Variants in MGST1 observed in about 807,000 individuals in gnomAD.
MGST1 encodes the protein glutathione S-transferase 12.
MGST1 carries 5 observed loss-of-function variants against 8.9 expected under a neutral mutation model. That is an observed-to-expected ratio of 0.56 (90% confidence interval 0.29 to 1.19). The LOEUF (loss-of-function observed/expected upper bound fraction) is 1.19, where lower values mean the gene tolerates loss of function less well. Ranked by LOEUF, MGST1 falls within the 50% of genes most tolerant of loss-of-function variation. The probability of loss-of-function intolerance (pLI) is 0.08; values close to 1 mark genes in which losing one functional copy is unlikely to be tolerated. For missense variants in MGST1, 182 were observed against 187.4 expected, an observed-to-expected ratio of 0.97 and a Z score of 0.17; for synonymous variants, 54 against 67.8, an observed-to-expected ratio of 0.80 and a Z score of 1.00.
chr12:16,437,173 A>C (rs1429065622), intron 1 of MGST1, among the ~76,000 whole-genome samples: 1 of 151,840 alleles, frequency 6.6e-6, no homozygotes, highest in Non-Finnish European at 1.5e-5. Flanking sequence ...GTTAAAAAGG[A>C]AGCATATCCC....
intron 4 of MGST1, chr12:16,551,023 TTAA>T: frequency 2.0e-6 from 1 of 490,356 alleles, no homozygotes; most frequent in Non-Finnish European, 3.7e-6. Flanking sequence ...ACTTTTTTCT[TTAA>T]TAATAAACAT....
chr12:16,375,412 C>A (rs1401597856), intron 3 of MGST1, among the ~76,000 whole-genome samples: 1 of 152,008 alleles, frequency 6.6e-6, no homozygotes, highest in Admixed American at 6.6e-5. Context: ...AACAAAGAAA[C>A]CTCAATGCGT....
At chr12:16,455,873 T>G (rs1941167850) in intron 4 of MGST1, among the ~76,000 whole-genome samples, 1 of 151,894 alleles carries the variant, frequency 6.6e-6, no homozygotes, top group Non-Finnish European at 1.5e-5. Context: ...CATAAAATTT[T>G]CAATAGTAAG....
chr12:16,357,760 T>A (rs1021625966), intron 3 of MGST1, 61 bp downstream of exon 3: 70 of 1,379,782 alleles, frequency 5.1e-5, no homozygotes, highest in Non-Finnish European at 6.7e-5. Context: ...AGGAGTTCAG[T>A]GAAGATGTCT....
chr12:16,491,322 G>A (rs2137156493), intron 4 of MGST1, among the ~76,000 whole-genome samples: 2 of 152,266 alleles, frequency 1.3e-5, no homozygotes, highest in South Asian at 4.1e-4. Context: ...GATCTCTGCA[G>A]GAATTATATA....
Position 16,458,055 on chromosome 12 carries a change from G to A in MGST1, n.482+74451G>A, listed in dbSNP as rs1422393214. On this transcript the variant is annotated intron_variant and non_coding_transcript_variant, in intron 4 of 4. Coordinates refer to the MGST1 transcript ENST00000538857. This position sits in a 1 kb window ranked among gnomAD's most constrained non-coding sequence, Gnocchi z 4.0. ...TTATAACTGCTAATTCAATTACACTGAAATTGTTTAATAGAAAATATAATT... is the reference window on the plus strand; with the variant it reads ...TTATAACTGCTAATTCAATTACACTAAAATTGTTTAATAGAAAATATAATT... 6.6e-6 allele frequency among the ~76,000 whole-genome samples: 1 copy of A among 151,970 alleles called. No individual in the cohort carries two copies. Among genetic ancestry groups the A allele is most frequent in the African/African-American group, 2.4e-5 (1 of 41,394 alleles).
Position 16,544,265 on chromosome 12 carries a change from A to ACAC in MGST1, n.483-45263_483-45262insCAC, listed in dbSNP as rs1565472388. ...ACACACACACACACACACACACACAAAACATAACCTACTAGTCAATCTGCC... is the reference window on the plus strand; with the variant it reads ...ACACACACACACACACACACACACAACACAACATAACCTACTAGTCAATCTGCC... On this transcript the variant is annotated intron_variant and non_coding_transcript_variant, in intron 4 of 4. Transcript: ENST00000538857. The surrounding 1 kb of genome is among the most constrained non-coding windows in gnomAD (Gnocchi z 4.8). Among the ~76,000 whole-genome samples, 4 of 107,538 alleles carry ACAC rather than the reference A, an allele frequency of 3.7e-5. No homozygotes were observed. The highest frequency in any genetic ancestry group is 1.3e-4 in the African/African-American group (3 of 23,236). 70.5% of individuals were successfully genotyped at this position (107,538 alleles called of 152,430 possible). A position where few individuals can be genotyped will look rare whatever the true frequency, so the allele number is the denominator to read the frequency against.
chr12:16,357,857 A>AATAT (rs373714603), intron 3 of MGST1, among the ~76,000 whole-genome samples, 158 bp downstream of exon 3: 11,752 of 152,272 alleles, frequency 0.077, 570 homozygotes, highest in East Asian at 0.23. Flanking sequence ...TGAAATTGAC[A>AATAT]CACTGCACTT....
chr12:16,397,151 A>C (rs936631824), intron 1 of MGST1, among the ~76,000 whole-genome samples: 9 of 152,156 alleles, frequency 5.9e-5, no homozygotes, highest in African/African-American at 9.7e-5. Context: ...GCTCTTTGAC[A>C]AAAGAAACAA....
At chr12:16,486,364 T>C (rs1941399232) in intron 4 of MGST1, among the ~76,000 whole-genome samples, 1 of 152,192 alleles carries the variant, frequency 6.6e-6, no homozygotes, top group Admixed American at 6.5e-5. Context: ...ATTTGTTAGA[T>C]AACTAACATT....
At chr12:16,550,556 T>G (rs901376222) in intron 4 of MGST1, 1 of 152,410 alleles carries the variant, frequency 6.6e-6, no homozygotes, top group South Asian at 2.1e-4. Context: ...AATTTTTATG[T>G]ATTTTTTTAA....
At chr12:16,512,195 A>C (rs1405995995) in intron 4 of MGST1, among the ~76,000 whole-genome samples, 11 of 152,128 alleles carry the variant, frequency 7.2e-5, no homozygotes, top group African/African-American at 2.4e-4. Context: ...ATGCACGGAC[A>C]TATACACTGA....
chr12:16,589,871 T>C (rs565883590), downstream of MGST1, among the ~76,000 whole-genome samples: 11 of 152,170 alleles, frequency 7.2e-5, no homozygotes, highest in African/African-American at 2.6e-4. This position sits in a 1 kb window ranked among gnomAD's most constrained non-coding sequence, Gnocchi z 4.2. Context: ...CAGACCACAG[T>C]AGGAATTAAG....
intron 4 of MGST1, among the ~76,000 whole-genome samples, chr12:16,556,064 C>T (rs994642033): frequency 1.3e-5 from 2 of 152,240 alleles, no homozygotes; most frequent in Admixed American, 1.3e-4. Flanking sequence ...AGATTTTATC[C>T]ACCTCAGCTT....
In MGST1 at chr12:16,551,622, GA is replaced by G. The variant is rs1052626588; in HGVS notation, n.483-37898del. On this transcript the variant is annotated intron_variant and non_coding_transcript_variant, in intron 4 of 4. Coordinates refer to the MGST1 transcript ENST00000538857. Reference sequence around the variant, plus strand: ...TTTTTTTTTTAAACCACACTGGAAAGAAAAAAAATAAAAAGAACTGATCTGT... The same window carrying G: ...TTTTTTTTTTAAACCACACTGGAAAGAAAAAAATAAAAAGAACTGATCTGT... 6.0e-3 allele frequency among the ~76,000 whole-genome samples: 858 copies of G among 143,052 alleles called. 9 individuals are homozygous for G. Among genetic ancestry groups the G allele is most frequent in the African/African-American group, 0.021 (830 of 38,648 alleles). 93.8% of individuals were successfully genotyped at this position (143,052 alleles called of 152,430 possible).
intron 1 of MGST1, among the ~76,000 whole-genome samples, chr12:16,407,986 C>A (rs1450510727): frequency 7.5e-6 from 1 of 132,652 alleles, no homozygotes; most frequent in African/African-American, 2.8e-5. Flanking sequence ...GAGTCGAGAT[C>A]ACGCCACTGC....
Position 16,580,871 on chromosome 12 carries a change from T to C in MGST1, n.483-8657T>C, listed in dbSNP as rs555895405. Among the ~76,000 whole-genome samples, 7 of 152,308 alleles carry C rather than the reference T, an allele frequency of 4.6e-5. No homozygotes were observed. The South Asian group carries it at 8.3e-4, about 18-fold the overall frequency. Reference sequence around the variant, plus strand: ...TTATTAATTATACAAAGAAACAGAATTGACCACTGTTAACACCTTATTTGT... The same window carrying C: ...TTATTAATTATACAAAGAAACAGAACTGACCACTGTTAACACCTTATTTGT... On this transcript the variant is annotated intron_variant and non_coding_transcript_variant, in intron 4 of 4. Transcript: ENST00000538857.
chr12:16,397,977 G>A (rs1441262630), intron 1 of MGST1, among the ~76,000 whole-genome samples: 1 of 151,466 alleles, frequency 6.6e-6, no homozygotes, highest in East Asian at 1.9e-4. Flanking sequence ...TACATGCTGA[G>A]TCTTCTAATT....
At position 16,361,986 on chromosome 12, in the gene MGST1, C is replaced by A. The variant is rs1171319691; in HGVS notation, c.222-1809C>A. ...AACATTCCATTCTATTTGTCAACTG[C>A]GTAACACAGGCGTAGAAGTGGACAT... is the stretch of plus-strand genomic sequence containing the variant. On this transcript the variant is annotated intron_variant, in intron 3 of 3. Coordinates refer to ENST00000396210, the MANE Select transcript of MGST1 (RefSeq NM_020300.5). The surrounding 1 kb of genome is among the most constrained non-coding windows in gnomAD (Gnocchi z 4.2). Among the ~76,000 whole-genome samples, 1 of 152,098 alleles carries A rather than the reference C, an allele frequency of 6.6e-6. No individual in the cohort carries two copies. The highest frequency in any genetic ancestry group is 1.5e-5 in the Non-Finnish European group (1 of 68,030).
Sources: gnomAD v4.1 joint callset for allele counts (sites outside exome capture counted in the v4.1 genomes callset) on GRCh38, gnomAD v4.1.1 for gene constraint, Gnocchi (gnomAD v3.1) non-coding constraint, MANE v1.5 for transcripts, NCBI Gene and HGNC (gene_info 2026-07-23, HGNC 2026-07-21) for gene names.